NEK5: variants seen among roughly 807,000 people sequenced by gnomAD.
NEK5 encodes NIMA related kinase 5, also known as serine/threonine-protein kinase Nek5.
Under a neutral mutation model 109.2 loss-of-function variants are expected in NEK5, and 88 were observed. The observed-to-expected ratio is 0.81, with a 90% confidence interval of 0.68 to 0.96. NEK5 has a LOEUF of 0.96. NEK5 is among the 40% of genes least tolerant of loss of function. The pLI, the probability that NEK5 is intolerant of heterozygous loss-of-function variation, is 0.00. For synonymous variants in NEK5, 283 were observed against 299.9 expected, an observed-to-expected ratio of 0.94 and a Z score of 0.58; for missense variants, 834 against 920.7, an observed-to-expected ratio of 0.91 and a Z score of 1.22.
rs182517687 is a variant in NEK5, at chr13:52,051,654, C to T, written c.2111-1433G>A. Reference sequence around the variant, plus strand: ...TTTTGGAAGTGGCTGACAGCGGCTGCGGTTGTGAAAGGAAAATAAATCTCG... The same window carrying T: ...TTTTGGAAGTGGCTGACAGCGGCTGTGGTTGTGAAAGGAAAATAAATCTCG... On this transcript the variant is annotated intron_variant, in intron 22 of 23. Transcript: ENST00000684899. Among the ~76,000 whole-genome samples the T allele has an allele frequency of 1.3e-4, 20 of 152,132 alleles. No individual in the cohort carries two copies. The East Asian group carries it at 2.5e-3, about 19-fold the overall frequency.
At position 52,036,881 on chromosome 13, in the gene NEK5, G is replaced by T; in HGVS notation, c.*67C>A. ...ACCCTTACAGTAAATGAGCATTTAT[G>T]ACTTGTACCCAAATAAATACTATAG... On this transcript the variant is annotated 3_prime_UTR_variant, in exon 24 of 24. Coordinates refer to ENST00000684899, the MANE Select transcript of NEK5 (RefSeq NM_001365552.1). 1.3e-6 allele frequency: 1 copy of T among 748,986 alleles called. No homozygotes were observed. Among genetic ancestry groups the T allele is most frequent in the Non-Finnish European group, 1.6e-6 (1 of 614,314 alleles). 46.4% of individuals were successfully genotyped at this position (748,986 alleles called of 1,614,324 possible).
chr13:52,037,895 C>A (rs1260587492), intron 23 of NEK5, among the ~76,000 whole-genome samples: 1 of 150,062 alleles, frequency 6.7e-6, no homozygotes, highest in Non-Finnish European at 1.5e-5. Flanking sequence ...TGCACTCCAG[C>A]CTGGGCGACA....
Position 52,102,268 on chromosome 13 carries a change from G to A in NEK5, c.634C>T (p.Leu212=), listed in dbSNP as rs771766211. 4.3e-6 allele frequency: 7 copies of A among 1,614,070 alleles called. No individual in the cohort carries two copies. The Admixed American group carries it at 1.2e-4, about 27-fold the overall frequency. ...HPFEGNNLQQ[L]VLKICQAHFA... ...TGTGCTTGACAAATCTTCAGAACCAGCTGCTGTAAGTTGTTACCCTCAAAC... is the reference window on the plus strand; with the variant it reads ...TGTGCTTGACAAATCTTCAGAACCAACTGCTGTAAGTTGTTACCCTCAAAC... The change falls in exon 10 of 24, where the codon CTG becomes TTG. Residue 212 remains leucine, a synonymous_variant. Coordinates refer to ENST00000684899, the MANE Select transcript of NEK5 (RefSeq NM_001365552.1).
Position 52,050,182 on chromosome 13 carries a change from T to C in NEK5, c.2150A>G (p.Asp717Gly), listed in dbSNP as rs1317712674. Residue 717 changes from aspartate (D) to glycine (G), a missense_variant, in exon 23 of 24, where the codon GAT (aspartate) becomes GGT (glycine). Physicochemically the swap from Asp to Gly is moderately conservative, Grantham distance 94. Transcript: ENST00000684899. ...TLKQWLPKEE[D>G]EGKVEMVSGI... Reference sequence around the variant, plus strand: ...AGAGACCATTTCTACCTTCCCTTCATCTTCTTCTTTGGGTAGCCATTGTTT... The same window carrying C: ...AGAGACCATTTCTACCTTCCCTTCACCTTCTTCTTTGGGTAGCCATTGTTT... 1 of 985,502 alleles carries C rather than the reference T, an allele frequency of 1.0e-6. No individual in the cohort carries two copies. The highest frequency in any genetic ancestry group is 1.2e-6 in the Non-Finnish European group (1 of 829,682). 61.0% of individuals were successfully genotyped at this position (985,502 alleles called of 1,614,324 possible).
At chr13:52,053,901 C>T (rs952075968) in intron 22 of NEK5, among the ~76,000 whole-genome samples, 5 of 152,186 alleles carry the variant, frequency 3.3e-5, no homozygotes, top group Non-Finnish European at 5.9e-5. Flanking sequence ...GCACCTTGTC[C>T]TTGTTATTCA....
At chr13:52,119,084 T>C (rs1243092780) in intron 4 of NEK5, among the ~76,000 whole-genome samples, 1 of 152,190 alleles carries the variant, frequency 6.6e-6, no homozygotes, top group Non-Finnish European at 1.5e-5. Context: ...CATTAATTTT[T>C]TGGGAGAGTG....
At chr13:52,059,896 T>C (rs1420323114) in intron 22 of NEK5, among the ~76,000 whole-genome samples, 1 of 152,024 alleles carries the variant, frequency 6.6e-6, no homozygotes, top group Non-Finnish European at 1.5e-5. Context: ...ATGGCACATG[T>C]ATACATATGT....
intron 3 of NEK5, among the ~76,000 whole-genome samples, chr13:52,122,879 A>T (rs1166264541): frequency 1.3e-5 from 2 of 152,240 alleles, no homozygotes; most frequent in Non-Finnish European, 2.9e-5. Context: ...AGTGATTAAG[A>T]AAGAGGTTAT....
chr13:52,071,802 T>A (rs932907537), intron 20 of NEK5, 142 bp downstream of exon 20: 1 of 697,960 alleles, frequency 1.4e-6, no homozygotes, highest in Non-Finnish European at 2.5e-6. Context: ...AGGAGAATAA[T>A]AAGTGTGTTT....
chr13:52,110,559 G>C lies in NEK5; in HGVS notation c.331C>G (p.Gln111Glu). The stretch of plus-strand genomic sequence containing the variant: ...ATATGTTTTAGTCCTAGAGAAATCT[G>C]TACAAACCAACCGAGGATCTATAGA... ...SEDQILGWFV[Q>E]ISLGLKHIHD... is the part of the protein sequence containing the mutation. Residue 111 changes from glutamine to glutamate, a missense_variant, in exon 6 of 24, where the codon CAG (glutamine) becomes GAG (glutamate). Around this residue, in one of 2 missense-constraint regions of NEK5, gnomAD observed 777 missense variants for 824.7 expected, o/e 0.94. Coordinates refer to ENST00000684899, the MANE Select transcript of NEK5 (RefSeq NM_001365552.1). The C allele has an allele frequency of 6.2e-7, 1 of 1,610,438 alleles. No individual in the cohort carries two copies.
intron 22 of NEK5, among the ~76,000 whole-genome samples, chr13:52,050,611 C>CTT (rs33996599): frequency 0.035 from 4,652 of 134,700 alleles, 115 homozygotes; most frequent in Non-Finnish European, 0.045. Context: ...ACACCTTCAT[C>CTT]TTTTTTTTTT....
chr13:52,067,049 T>G (rs1487364762), intron 20 of NEK5, among the ~76,000 whole-genome samples: 2 of 152,188 alleles, frequency 1.3e-5, no homozygotes, highest in African/African-American at 4.8e-5. Context: ...AGGATCTGTT[T>G]CTAACTTTCT....
Position 52,087,426 on chromosome 13 carries a change from T to C in NEK5, c.1304A>G (p.Asn435Ser). The C allele has an allele frequency of 6.2e-7, 1 of 1,609,480 alleles. No individual in the cohort carries two copies. The highest frequency in any genetic ancestry group is 8.5e-7 in the Non-Finnish European group (1 of 1,176,352). Residue 435 changes from asparagine (N) to serine (S), a missense_variant, in exon 15 of 24, where the codon AAT becomes AGT. This residue lies in a region of NEK5 where 777 missense variants were observed against 824.7 expected (regional missense o/e 0.94). Coordinates refer to ENST00000684899, the MANE Select transcript of NEK5 (RefSeq NM_001365552.1). Reference sequence around the variant, plus strand: ...TCTTAGCTCTTGTCTCTGGTTGTAATTTGGCTCGGCAGAAGATGGACGAAG... The same window carrying C: ...TCTTAGCTCTTGTCTCTGGTTGTAACTTGGCTCGGCAGAAGATGGACGAAG... ...LGLRPSSAEP[N>S]YNQRQELRSN...
chr13:52,118,853 C>T (rs1955912511), intron 4 of NEK5, among the ~76,000 whole-genome samples: 1 of 152,084 alleles, frequency 6.6e-6, no homozygotes, highest in South Asian at 2.1e-4. Flanking sequence ...CCTAGCAGGG[C>T]TTTGAGAGCG....
chr13:52,079,639 T>G (rs1490388359), intron 17 of NEK5, among the ~76,000 whole-genome samples: 3 of 152,302 alleles, frequency 2.0e-5, no homozygotes, highest in Admixed American at 2.0e-4. Context: ...TGGCGTGATC[T>G]CGGCTGGCTA....
intron 20 of NEK5, among the ~76,000 whole-genome samples, 175 bp from the exon 21 acceptor site, chr13:52,065,784 G>C (rs1954680323): frequency 1.3e-5 from 2 of 152,132 alleles, no homozygotes; most frequent in Non-Finnish European, 2.9e-5. Flanking sequence ...TGTCAACACT[G>C]TTTTACTTTT....
Position 52,080,323 on chromosome 13 carries a change from T to C in NEK5, c.1572+2937A>G, listed in dbSNP as rs866592640. Among the ~76,000 whole-genome samples, 1,315 of 145,764 alleles carry C rather than the reference T, an allele frequency of 9.0e-3. 32 individuals are homozygous for C. Among genetic ancestry groups the C allele is most frequent in the African/African-American group, 0.031 (1,225 of 38,970 alleles). On this transcript the variant is annotated intron_variant, in intron 17 of 23. Coordinates refer to ENST00000684899, the MANE Select transcript of NEK5 (RefSeq NM_001365552.1). ...CCTCGTCCGGGAGGTGAGGGGCGCC[T>C]CTGCCCGGCCGCCCCTACTGGGAAG...
chr13:52,055,210 T>G (rs1267709597), intron 22 of NEK5, among the ~76,000 whole-genome samples: 1 of 151,792 alleles, frequency 6.6e-6, no homozygotes, highest in Admixed American at 6.6e-5. Flanking sequence ...TGATGGAAGA[T>G]CAAATGAATG....
At chr13:52,089,816 T>C (rs1955238457) in intron 13 of NEK5, among the ~76,000 whole-genome samples, 1 of 151,874 alleles carries the variant, frequency 6.6e-6, no homozygotes, top group African/African-American at 2.4e-5. Flanking sequence ...TGAAACCCCG[T>C]CTCTGCTAAA....
Sources: gnomAD v4.1 joint callset for allele counts (sites outside exome capture counted in the v4.1 genomes callset) on GRCh38, gnomAD v4.1.1 for gene constraint, gnomAD v4.1.1 regional missense constraint, MANE v1.5 for transcripts, NCBI Gene and HGNC (gene_info 2026-07-23, HGNC 2026-07-21) for gene names.